The following LINGO2 variants were observed in gnomAD, a reference collection of about 807,000 sequenced individuals.
LINGO2 encodes the protein leucine rich repeat and Ig domain containing 2.
Under a neutral mutation model 30.6 loss-of-function variants are expected in LINGO2, and 14 were observed. That is an observed-to-expected ratio of 0.46 (90% CI 0.30 to 0.72). The LOEUF is 0.72. LINGO2 is among the 30% of genes least tolerant of loss of function. LINGO2 has a pLI of 0.07. For synonymous variants in LINGO2, 317 were observed against 288.5 expected (o/e 1.10, Z -1.00); for missense variants, 729 against 751.7 (o/e 0.97, Z 0.35).
the LINGO2 span, among the ~76,000 whole-genome samples, chr9:28,794,787 G>A: frequency 1.3e-5 from 2 of 151,568 alleles, no homozygotes; most frequent in Admixed American, 1.3e-4. Context: ...GGGGTTAAAT[G>A]TTTAACAAAT....
At chr9:28,970,362 C>T in the LINGO2 span, among the ~76,000 whole-genome samples, 2 of 152,056 alleles carry the variant, frequency 1.3e-5, no homozygotes, top group Non-Finnish European at 1.5e-5. Flanking sequence ...CCAATGGTCC[C>T]CCTGAAAAGG....
the LINGO2 span, among the ~76,000 whole-genome samples, chr9:28,873,215 A>G: frequency 6.6e-6 from 1 of 151,802 alleles, no homozygotes; most frequent in East Asian, 2.0e-4. Context: ...CTAAAAATAC[A>G]AAAAATTAGT....
At chr9:29,140,298 G>A in the LINGO2 span, among the ~76,000 whole-genome samples, 136 of 151,968 alleles carry the variant, frequency 8.9e-4, no homozygotes, top group African/African-American at 3.2e-3. Flanking sequence ...GACTCAGGAA[G>A]CTCATGAAAA....
At chr9:28,497,557 C>G (rs924685159) in intron 1 of LINGO2, among the ~76,000 whole-genome samples, 1 of 152,088 alleles carries the variant, frequency 6.6e-6, no homozygotes, top group Non-Finnish European at 1.5e-5. Context: ...GTTAGTCATT[C>G]GTCTAATCTT....
At chr9:28,783,370 G>A in the LINGO2 span, among the ~76,000 whole-genome samples, 2 of 152,056 alleles carry the variant, frequency 1.3e-5, no homozygotes, top group Non-Finnish European at 2.9e-5. Flanking sequence ...TATAAATGCT[G>A]TGTAAATAGT....
At chr9:28,458,966 C>T in intron 2 of LINGO2, among the ~76,000 whole-genome samples, 1 of 77,680 alleles carries the variant, frequency 1.3e-5, no homozygotes, top group African/African-American at 5.1e-5. Flanking sequence ...GTATATAGAG[C>T]CCAAATGTGA....
At chr9:28,761,293 A>T in the LINGO2 span, among the ~76,000 whole-genome samples, 1 of 151,992 alleles carries the variant, frequency 6.6e-6, no homozygotes, top group Non-Finnish European at 1.5e-5. Flanking sequence ...TATTTATAGC[A>T]TCAGTCCAGT....
At chr9:28,302,074 G>A (rs1824168759) in intron 3 of LINGO2, among the ~76,000 whole-genome samples, 1 of 152,148 alleles carries the variant, frequency 6.6e-6, no homozygotes, top group African/African-American at 2.4e-5. Context: ...TATCTTGAAA[G>A]GAGCACTAAA....
chr9:28,125,907 T>A (rs540646262), intron 4 of LINGO2, among the ~76,000 whole-genome samples: 13 of 152,212 alleles, frequency 8.5e-5, no homozygotes, highest in Non-Finnish European at 1.6e-4. Context: ...ATCCCATCAT[T>A]TGTGATAAAC....
chr9:28,258,951 G>A (rs1166470478), intron 4 of LINGO2, among the ~76,000 whole-genome samples: 1 of 151,372 alleles, frequency 6.6e-6, no homozygotes, highest in African/African-American at 2.4e-5. Context: ...TTCAAGGCAA[G>A]AAAATCATAG....
At chr9:29,169,865 G>C in the LINGO2 span, among the ~76,000 whole-genome samples, 1 of 152,150 alleles carries the variant, frequency 6.6e-6, no homozygotes, top group Non-Finnish European at 1.5e-5. Flanking sequence ...AGGTGTGGTG[G>C]CACGCGCCTG....
intron 2 of LINGO2, among the ~76,000 whole-genome samples, chr9:28,442,650 C>T (rs890797729): frequency 6.6e-6 from 1 of 152,064 alleles, no homozygotes. Context: ...TAAACATGGA[C>T]TCTCTTTGAA....
intron 4 of LINGO2, among the ~76,000 whole-genome samples, chr9:28,064,643 A>G (rs1825257826): frequency 6.6e-6 from 1 of 152,154 alleles, no homozygotes; most frequent in Non-Finnish European, 1.5e-5. Context: ...TGCTCTGATT[A>G]CAAAATAATG....
intron 4 of LINGO2, among the ~76,000 whole-genome samples, chr9:28,050,813 C>A (rs1563943990): frequency 6.6e-6 from 1 of 150,778 alleles, no homozygotes; most frequent in Non-Finnish European, 1.5e-5. Flanking sequence ...AATGCATTCA[C>A]ATAGAGGAAT....
chr9:28,791,455 G>A, the LINGO2 span, among the ~76,000 whole-genome samples: 1 of 151,954 alleles, frequency 6.6e-6, no homozygotes, highest in Non-Finnish European at 1.5e-5. Flanking sequence ...ATTAGTAAAC[G>A]ATAAAGGAGA....
chr9:28,650,290 A>C (rs1415865416), intron 1 of LINGO2, among the ~76,000 whole-genome samples: 1 of 152,144 alleles, frequency 6.6e-6, no homozygotes, highest in African/African-American at 2.4e-5. Flanking sequence ...TCCTAACCTA[A>C]GAAAGCAGAT....
chr9:28,225,774 A>G (rs1445019974), intron 4 of LINGO2, among the ~76,000 whole-genome samples: 2 of 152,156 alleles, frequency 1.3e-5, no homozygotes, highest in Non-Finnish European at 2.9e-5. Flanking sequence ...AATATATTCA[A>G]TTTTACTAGT....
the LINGO2 span, among the ~76,000 whole-genome samples, chr9:28,985,457 C>T: frequency 6.6e-6 from 1 of 152,026 alleles, no homozygotes; most frequent in Non-Finnish European, 1.5e-5. Context: ...TCCATAATGG[C>T]TATAACTAAT....
chr9:29,162,546 T>C, the LINGO2 span, among the ~76,000 whole-genome samples: 1 of 152,000 alleles, frequency 6.6e-6, no homozygotes, highest in African/African-American at 2.4e-5. Context: ...AAAGGCACAA[T>C]AGATGAATAA....
Sources: gnomAD v4.1 joint callset for allele counts (sites outside exome capture counted in the v4.1 genomes callset) on GRCh38, gnomAD v4.1.1 for gene constraint, MANE v1.5 for transcripts, NCBI Gene and HGNC (gene_info 2026-07-23, HGNC 2026-07-21) for gene names.